CCDC83: variants seen among roughly 807,000 people sequenced by gnomAD.
CCDC83 encodes coiled-coil domain-containing protein 83.
A neutral mutation model predicts 50.1 loss-of-function variants in CCDC83; 54 were observed. That is an observed-to-expected ratio of 1.08 (90% CI 0.87 to 1.35). CCDC83 has a LOEUF of 1.35. Ranked by LOEUF, CCDC83 falls within the 40% of genes most tolerant of loss-of-function variation. CCDC83 has a pLI of 0.00. For missense variants in CCDC83, 518 were observed against 473.9 expected (o/e 1.09, Z -0.86); for synonymous variants, 161 against 153.3 (o/e 1.05, Z -0.37).
At chr11:85,906,690 G>A (rs572875923) in intron 7 of CCDC83, among the ~76,000 whole-genome samples, 7 of 152,142 alleles carry the variant, frequency 4.6e-5, no homozygotes, top group East Asian at 1.9e-4. Flanking sequence ...ACAAACCTGG[G>A]CAATATAGTG....
chr11:85,880,260 T>C (rs1308029955), intron 3 of CCDC83, among the ~76,000 whole-genome samples: 1 of 152,138 alleles, frequency 6.6e-6, no homozygotes, highest in Non-Finnish European at 1.5e-5. Flanking sequence ...TCTCCATTTA[T>C]TTAGATCTTG....
chr11:85,898,956 A>C lies in CCDC83; in HGVS notation c.613A>C (p.Lys205Gln). The C allele has an allele frequency of 1.2e-6, 2 of 1,611,494 alleles. No homozygotes were observed. The highest frequency in any genetic ancestry group is 4.5e-5 in the East Asian group (2 of 44,796). ...AGAAACTTTCTTTTAGAATGCTGTAAAGCTCATTGACAAGGGCAGTTATCT... is the reference window on the plus strand; with the variant it reads ...AGAAACTTTCTTTTAGAATGCTGTACAGCTCATTGACAAGGGCAGTTATCT... The part of the protein sequence containing the change: ...KKEWATQNAV[K>Q]LIDKGSYLEI... Residue 205 changes from lysine (K) to glutamine (Q), a missense_variant, in exon 7 of 11, where the codon AAG (lysine) becomes CAG (glutamine). Physicochemically the swap from Lys to Gln is moderately conservative, Grantham distance 53 (BLOSUM62 1). Coordinates refer to ENST00000342404, the MANE Select transcript of CCDC83 (RefSeq NM_001286159.2).
intron 5 of CCDC83, among the ~76,000 whole-genome samples, chr11:85,886,971 C>G (rs1353543151): frequency 6.6e-6 from 1 of 152,066 alleles, no homozygotes; most frequent in Non-Finnish European, 1.5e-5. Context: ...CACACTGGGA[C>G]AGAAGCAATT....
chr11:85,868,927 A>G (rs983122528), intron 2 of CCDC83, among the ~76,000 whole-genome samples: 20 of 152,240 alleles, frequency 1.3e-4, no homozygotes, highest in Admixed American at 4.6e-4. Context: ...CTTGAAGACT[A>G]TTCTTTACTC....
intron 7 of CCDC83, among the ~76,000 whole-genome samples, chr11:85,899,661 T>C (rs909424710): frequency 1.3e-5 from 2 of 152,212 alleles, no homozygotes; most frequent in Non-Finnish European, 2.9e-5. Context: ...GATGTTGAAA[T>C]TGTCTATTTA....
intron 8 of CCDC83, chr11:85,912,572 AG>A: frequency 1.2e-6 from 1 of 822,732 alleles, no homozygotes. Flanking sequence ...GATGCCCTAG[AG>A]GGCCCCTAGG....
intron 1 of CCDC83, among the ~76,000 whole-genome samples, chr11:85,864,651 T>C (rs1200776957): frequency 1.3e-5 from 2 of 152,240 alleles, no homozygotes; most frequent in African/African-American, 4.8e-5. Context: ...ATTCTAATTC[T>C]TAAGTCTTTT....
At chr11:85,893,219 T>C (rs983257059) in intron 5 of CCDC83, among the ~76,000 whole-genome samples, 1 of 152,246 alleles carries the variant, frequency 6.6e-6, no homozygotes, top group African/African-American at 2.4e-5. Context: ...TGGCACGTAT[T>C]GTGTCCCAGG....
intron 7 of CCDC83, among the ~76,000 whole-genome samples, chr11:85,910,761 T>C (rs766255935): frequency 6.6e-6 from 1 of 152,364 alleles, no homozygotes; most frequent in Non-Finnish European, 1.5e-5. Context: ...CTAAAAATGA[T>C]TTCCACCTAT....
intron 2 of CCDC83, among the ~76,000 whole-genome samples, chr11:85,868,291 T>C (rs903358455): frequency 6.6e-6 from 1 of 152,224 alleles, no homozygotes; most frequent in Non-Finnish European, 1.5e-5. Context: ...GATATAGATA[T>C]AGAAACGGGT....
rs187393563 is a variant in CCDC83 at position 85,858,338 on chromosome 11, G to T, written c.-29+2754G>T. On this transcript the variant is annotated intron_variant, in intron 1 of 10. Transcript: ENST00000342404. ...AGCTGCAAGCCCATTACCTGTACTT[G>T]TCCCGTGATGGCCCCTTCAAGCCAG... 3.9e-5 allele frequency among the ~76,000 whole-genome samples: 6 copies of T among 152,298 alleles called. 1 individual carries two copies. The East Asian group carries it at 1.2e-3, about 29-fold the overall frequency.
chr11:85,889,409 G>T (rs898758623), intron 5 of CCDC83, among the ~76,000 whole-genome samples: 1 of 152,210 alleles, frequency 6.6e-6, no homozygotes, highest in African/African-American at 2.4e-5. Flanking sequence ...TCATGTGGTT[G>T]TATTCAACTT....
chr11:85,874,156 G>A (rs1426656823), intron 3 of CCDC83, among the ~76,000 whole-genome samples: 1 of 152,148 alleles, frequency 6.6e-6, no homozygotes, highest in Non-Finnish European at 1.5e-5. Flanking sequence ...TGTTCATTCA[G>A]TACATATTTA....
At chr11:85,908,094 T>TA (rs1393460674) in intron 7 of CCDC83, among the ~76,000 whole-genome samples, 1 of 152,250 alleles carries the variant, frequency 6.6e-6, no homozygotes, top group African/African-American at 2.4e-5. Flanking sequence ...AATCTGGACT[T>TA]AAACGGTTTT....
intron 1 of CCDC83, among the ~76,000 whole-genome samples, chr11:85,864,244 A>G (rs1202856962): frequency 6.6e-6 from 1 of 152,230 alleles, no homozygotes; most frequent in Non-Finnish European, 1.5e-5. Flanking sequence ...AAATAATTAC[A>G]AAGGTTATAT....
intron 3 of CCDC83, among the ~76,000 whole-genome samples, chr11:85,874,350 C>T (rs1253961855): frequency 1.3e-5 from 2 of 152,174 alleles, no homozygotes. Flanking sequence ...TGCACATCCT[C>T]CAGTGATCAG....
At chr11:85,866,299 G>A (rs1566069242) in intron 2 of CCDC83, among the ~76,000 whole-genome samples, 1 of 152,182 alleles carries the variant, frequency 6.6e-6, no homozygotes, top group African/African-American at 2.4e-5. Flanking sequence ...TGCAAGTCAA[G>A]TGCTGGGTAC....
Position 85,911,378 on chromosome 11 carries a change from G to T in CCDC83, c.770G>T (p.Arg257Ile). The change falls in exon 8 of 11, where the codon AGA becomes ATA. Residue 257 changes from arginine to isoleucine, a missense_variant. Coordinates refer to ENST00000342404, the MANE Select transcript of CCDC83 (RefSeq NM_001286159.2). Reference sequence around the variant, plus strand: ...CTTATTGATCAACTATCCAACTGTAGACTTGTGGATCTCAAGATACCCAGG... The same window carrying T: ...CTTATTGATCAACTATCCAACTGTATACTTGTGGATCTCAAGATACCCAGG... Reference protein sequence around the residue: ...LVLIDQLSNCRLVDLKIPRRL... With the variant: ...LVLIDQLSNCILVDLKIPRRL... The T allele has an allele frequency of 6.2e-7, 1 of 1,608,740 alleles. No individual in the cohort carries two copies. Among genetic ancestry groups the T allele is most frequent in the Non-Finnish European group, 8.5e-7 (1 of 1,177,942 alleles).
intron 3 of CCDC83, among the ~76,000 whole-genome samples, chr11:85,878,981 G>A (rs1337461131): frequency 6.6e-6 from 1 of 151,492 alleles, no homozygotes; most frequent in Non-Finnish European, 1.5e-5. Context: ...TTTATAATTA[G>A]ACTTTTTGTA....
Sources: gnomAD v4.1 joint callset for allele counts (sites outside exome capture counted in the v4.1 genomes callset) on GRCh38, gnomAD v4.1.1 for gene constraint, MANE v1.5 for transcripts, NCBI Gene and HGNC (gene_info 2026-07-23, HGNC 2026-07-21) for gene names.